NME7: variants seen among roughly 807,000 people sequenced by gnomAD.
NME7 encodes the protein NME/NM23 family member 7, also known as nucleoside diphosphate kinase 7.
NME7 carries 41 observed loss-of-function variants against 49.1 expected under a neutral mutation model. The ratio of observed to expected loss-of-function variants is 0.83; its 90% CI spans 0.65 to 1.08. NME7 has a LOEUF of 1.08. Among genes scored for constraint, NME7 ranks in the 50% least tolerant of loss-of-function variants. NME7 has a pLI of 0.00. For missense variants in NME7, 423 were observed against 463.4 expected (o/e 0.91, Z 0.80); for synonymous variants, 139 against 150.6 (o/e 0.92, Z 0.56).
At chr1:169,180,649 A>G (rs1659898226) in intron 10 of NME7, among the ~76,000 whole-genome samples, 1 of 152,246 alleles carries the variant, frequency 6.6e-6, no homozygotes, top group South Asian at 2.1e-4. Flanking sequence ...TGTCAAAAAG[A>G]AATGTAATGT....
chr1:169,132,954 CAG>C, intron 11 of NME7, 137 bp from the exon 12 acceptor site: 1 of 555,526 alleles, frequency 1.8e-6, no homozygotes, highest in Non-Finnish European at 3.1e-6. Context: ...ATCAATCAAT[CAG>C]AGGCAGAGAA....
intron 1 of NME7, among the ~76,000 whole-genome samples, chr1:169,364,397 G>A (rs983906569): frequency 1.3e-5 from 2 of 152,110 alleles, no homozygotes; most frequent in Admixed American, 6.5e-5. Flanking sequence ...TATCTGCATA[G>A]ATTTTAAATT....
intron 7 of NME7, among the ~76,000 whole-genome samples, chr1:169,253,048 C>A (rs1398253858): frequency 6.6e-6 from 1 of 151,488 alleles, no homozygotes; most frequent in East Asian, 1.9e-4. Context: ...GATGCGGGCT[C>A]TTTTTTGGTT....
At chr1:169,242,685 TA>T (rs113686070) in intron 7 of NME7, among the ~76,000 whole-genome samples, 36,662 of 149,318 alleles carry the variant, frequency 0.25, 5,460 homozygotes, top group Non-Finnish European at 0.34. Context: ...CCAAATAGCC[TA>T]AAAAAAAATC....
chr1:169,193,010 C>A (rs1411110492), intron 10 of NME7, among the ~76,000 whole-genome samples: 5 of 151,930 alleles, frequency 3.3e-5, no homozygotes, highest in Non-Finnish European at 7.4e-5. Context: ...CAATTAAGTG[C>A]TTTTAAAAAG....
At position 169,219,811 on chromosome 1, in the gene NME7, T is replaced by C. The variant is rs151062148; in HGVS notation, c.990+10907A>G. Among the ~76,000 whole-genome samples the C allele has an allele frequency of 6.5e-3, 984 of 152,340 alleles. 14 individuals are homozygous for C. The highest frequency in any genetic ancestry group is 0.022 in the African/African-American group (923 of 41,576). ...ATAAATAAACATGATATCAGGTTCA[T>C]AGCAAGTGTTTAATAAATGCCTGAA... is the stretch of plus-strand genomic sequence containing the variant. On this transcript the variant is annotated intron_variant, in intron 10 of 11. Transcript: ENST00000367811.
intron 7 of NME7, among the ~76,000 whole-genome samples, chr1:169,267,436 A>G (rs1344697311): frequency 7.5e-6 from 1 of 134,014 alleles, no homozygotes; most frequent in African/African-American, 2.5e-5. Context: ...TTCATATTGA[A>G]CCAAAAAAGA....
intron 5 of NME7, among the ~76,000 whole-genome samples, chr1:169,299,534 C>G (rs1301533741): frequency 1.3e-5 from 2 of 152,046 alleles, no homozygotes; most frequent in African/African-American, 2.4e-5. Flanking sequence ...GGACACAGTA[C>G]TTTTTAGAGT....
chr1:169,333,982 A>G (rs1293666530), intron 1 of NME7, among the ~76,000 whole-genome samples: 2 of 152,200 alleles, frequency 1.3e-5, no homozygotes, highest in African/African-American at 4.8e-5. Context: ...CATTTTTGTA[A>G]TGCTGTATTT....
At chr1:169,336,274 T>C (rs1652468323) in intron 1 of NME7, among the ~76,000 whole-genome samples, 1 of 151,262 alleles carries the variant, frequency 6.6e-6, no homozygotes. Flanking sequence ...ACCCAAAGAG[T>C]GAGCAGTAGC....
At chr1:169,137,443 C>T (rs541145032) in intron 11 of NME7, among the ~76,000 whole-genome samples, 40 of 152,220 alleles carry the variant, frequency 2.6e-4, no homozygotes, top group Middle Eastern at 3.4e-3. Context: ...ATGAACAGAT[C>T]GATGGTTGAG....
At chr1:169,334,322 G>T (rs2101951189) in intron 1 of NME7, among the ~76,000 whole-genome samples, 1 of 152,210 alleles carries the variant, frequency 6.6e-6, no homozygotes, top group Middle Eastern at 3.4e-3. Flanking sequence ...GAAATCAACA[G>T]CATGAGTAAT....
intron 10 of NME7, among the ~76,000 whole-genome samples, chr1:169,226,978 G>C (rs1292450769): frequency 6.6e-6 from 1 of 152,094 alleles, no homozygotes; most frequent in African/African-American, 2.4e-5. Context: ...AGAGTTTCAA[G>C]ATTGAGCTAT....
chr1:169,184,573 T>G (rs1470479833), intron 10 of NME7, among the ~76,000 whole-genome samples: 1 of 152,204 alleles, frequency 6.6e-6, no homozygotes, highest in Non-Finnish European at 1.5e-5. Context: ...TAGGGCTATT[T>G]CCAACCATTT....
chr1:169,198,592 T>A (rs1036011405), intron 10 of NME7, among the ~76,000 whole-genome samples: 2 of 152,038 alleles, frequency 1.3e-5, no homozygotes, highest in Non-Finnish European at 2.9e-5. Flanking sequence ...TTATGCTACA[T>A]GAAAAAGGCC....
chr1:169,157,031 C>A (rs1265218172), intron 11 of NME7, among the ~76,000 whole-genome samples: 1 of 152,176 alleles, frequency 6.6e-6, no homozygotes, highest in Non-Finnish European at 1.5e-5. Context: ...AAAGAAGATG[C>A]TGGTGGACGT....
intron 11 of NME7, 60 bp from the exon 12 acceptor site, chr1:169,132,877 CAG>C: frequency 6.9e-7 from 1 of 1,455,848 alleles, no homozygotes; most frequent in Non-Finnish European, 9.6e-7. Context: ...TTCCACTTAA[CAG>C]AGTCCAAGAG....
intron 10 of NME7, among the ~76,000 whole-genome samples, chr1:169,180,238 G>A (rs1218203584): frequency 1.3e-5 from 2 of 152,178 alleles, no homozygotes; most frequent in Non-Finnish European, 2.9e-5. Context: ...GAGGCATTTA[G>A]TAGATATAAT....
rs146554340 is a variant in NME7, at chr1:169,233,917, C to T, written c.888+1214G>A. On this transcript the variant is annotated intron_variant, in intron 9 of 11. Transcript: ENST00000367811. ...TGTTTCCTTCCTTTTCCTCTCCCTC[C>T]TTTTTTTCCTTTGTTTCTTTCTTTC... Among the ~76,000 whole-genome samples, 227 of 151,946 alleles carry T rather than the reference C, an allele frequency of 1.5e-3. 3 individuals carry two copies. In the East Asian group the frequency reaches 0.042, roughly 28 times the overall value.
Sources: gnomAD v4.1 joint callset for allele counts (sites outside exome capture counted in the v4.1 genomes callset) on GRCh38, gnomAD v4.1.1 for gene constraint, MANE v1.5 for transcripts, NCBI Gene and HGNC (gene_info 2026-07-23, HGNC 2026-07-21) for gene names.